The following TFEC variants were observed in gnomAD, a reference collection of about 807,000 sequenced individuals.
The protein encoded by TFEC is class E basic helix-loop-helix protein 34.
A neutral mutation model predicts 41.6 loss-of-function variants in TFEC; 31 were observed. The observed-to-expected ratio is 0.74, with a 90% confidence interval of 0.56 to 1.01. The LOEUF is 1.01. Among genes scored for constraint, TFEC ranks in the 50% least tolerant of loss-of-function variants. The pLI is 0.00. For missense variants in TFEC, 402 were observed against 404.1 expected (o/e 0.99, Z 0.04); for synonymous variants, 143 against 140.6 (o/e 1.02, Z -0.12).
intron 2 of TFEC, among the ~76,000 whole-genome samples, chr7:115,977,265 A>G (rs1281813687): frequency 1.3e-5 from 2 of 152,140 alleles, no homozygotes; most frequent in Non-Finnish European, 2.9e-5. Flanking sequence ...ATAATAAATT[A>G]AGATCATAAG....
At chr7:116,034,956 A>G (rs1050680700), upstream of TFEC, among the ~76,000 whole-genome samples, 9 of 150,714 alleles carry the variant, frequency 6.0e-5, no homozygotes, top group African/African-American at 2.2e-4. Context: ...ATCTTCCCCC[A>G]CTGAAACTGT....
intron 3 of TFEC, among the ~76,000 whole-genome samples, chr7:116,098,616 T>C (rs958672729): frequency 5.3e-5 from 8 of 152,136 alleles, no homozygotes; most frequent in Non-Finnish European, 1.2e-4. Flanking sequence ...TCCACAATTT[T>C]AGTTAGCGAT....
chr7:115,963,065 T>A (rs948174610), intron 3 of TFEC, among the ~76,000 whole-genome samples: 7 of 151,182 alleles, frequency 4.6e-5, no homozygotes, highest in African/African-American at 1.7e-4. Flanking sequence ...TGTGATCTCA[T>A]TGTTCAACTC....
intron 2 of TFEC, among the ~76,000 whole-genome samples, chr7:115,982,490 T>C (rs985957265): frequency 1.3e-5 from 2 of 152,244 alleles, no homozygotes; most frequent in African/African-American, 4.8e-5. Flanking sequence ...ATAGTAAGTC[T>C]GTGAATGATG....
At chr7:116,139,105 C>A (rs1798489871) in intron 1 of TFEC, among the ~76,000 whole-genome samples, 1 of 152,162 alleles carries the variant, frequency 6.6e-6, no homozygotes, top group East Asian at 1.9e-4. Context: ...ATCTACTCTT[C>A]TAAAGCAATT....
chr7:116,100,589 G>C (rs201644047), intron 3 of TFEC, among the ~76,000 whole-genome samples: 1 of 107,618 alleles, frequency 9.3e-6, no homozygotes, highest in African/African-American at 3.1e-5. Flanking sequence ...GAGACAGGGG[G>C]TTACTTGGTT....
chr7:115,960,703 G>C (rs1792495823), intron 3 of TFEC, among the ~76,000 whole-genome samples: 2 of 151,440 alleles, frequency 1.3e-5, no homozygotes, highest in African/African-American at 4.8e-5. Flanking sequence ...GATCTAAACA[G>C]GTCAGACTCC....
At chr7:115,994,989 C>T (rs906135266) in intron 1 of TFEC, among the ~76,000 whole-genome samples, 13 of 152,140 alleles carry the variant, frequency 8.5e-5, no homozygotes, top group South Asian at 8.3e-4. Context: ...AAATGTGGCA[C>T]ATATCCACCA....
intron 3 of TFEC, among the ~76,000 whole-genome samples, chr7:116,096,232 T>C (rs1032660713): frequency 2.6e-5 from 4 of 152,074 alleles, no homozygotes; most frequent in African/African-American, 7.2e-5. Context: ...TATAACTACT[T>C]GTCTTGCCTT....
At chr7:116,071,261 A>G (rs866358444) in intron 3 of TFEC, among the ~76,000 whole-genome samples, 51 of 151,080 alleles carry the variant, frequency 3.4e-4, no homozygotes, top group African/African-American at 1.2e-3. Flanking sequence ...AGCTTACCCC[A>G]ACAGCTATGA....
chr7:116,040,020 G>A (rs1353580298), intron 3 of TFEC, among the ~76,000 whole-genome samples: 1 of 152,094 alleles, frequency 6.6e-6, no homozygotes, highest in Admixed American at 6.6e-5. Context: ...AAATCTAGAT[G>A]TGACCTGGAC....
chr7:116,060,698 G>C (rs979453020), intron 3 of TFEC, among the ~76,000 whole-genome samples: 1 of 152,024 alleles, frequency 6.6e-6, no homozygotes, highest in African/African-American at 2.4e-5. Flanking sequence ...AACAGACCCT[G>C]GGGTCTACAT....
chr7:115,940,964 T>A (rs780351297), intron 7 of TFEC, 33 bp from the exon 8 acceptor site: 12 of 1,529,444 alleles, frequency 7.8e-6, no homozygotes, highest in Non-Finnish European at 9.7e-6. Context: ...TTAAATAATG[T>A]CTTTGAAATT....
chr7:116,112,025 T>A, exon 2 of TFEC: 1 of 986,122 alleles, frequency 1.0e-6, no homozygotes, highest in Non-Finnish European at 1.2e-6. Flanking sequence ...GGGAACTAAA[T>A]CATTGATAGG....
At chr7:116,082,156 G>T (rs1797105862) in intron 3 of TFEC, among the ~76,000 whole-genome samples, 1 of 151,974 alleles carries the variant, frequency 6.6e-6, no homozygotes, top group African/African-American at 2.4e-5. Context: ...ATTAGGAAAT[G>T]CTTATTCGAT....
chr7:116,006,307 C>T (rs1188560785), intron 1 of TFEC, among the ~76,000 whole-genome samples: 1 of 152,210 alleles, frequency 6.6e-6, no homozygotes, highest in Non-Finnish European at 1.5e-5. Context: ...CCCATGAAAG[C>T]AGCCAGGAGA....
chr7:116,152,844 G>C (rs11770268), intron 1 of TFEC, among the ~76,000 whole-genome samples: 1 of 152,048 alleles, frequency 6.6e-6, no homozygotes, highest in East Asian at 1.9e-4. Flanking sequence ...CGATATCCAA[G>C]CAAAAATTAT....
At chr7:116,104,492 C>CA (rs1240071915) in intron 3 of TFEC, among the ~76,000 whole-genome samples, 2 of 152,144 alleles carry the variant, frequency 1.3e-5, no homozygotes, top group African/African-American at 2.4e-5. Context: ...TACTCATTAT[C>CA]AGAGAGTGCT....
intron 3 of TFEC, among the ~76,000 whole-genome samples, chr7:116,039,284 T>C (rs1795978138): frequency 6.6e-6 from 1 of 152,048 alleles, no homozygotes; most frequent in Non-Finnish European, 1.5e-5. Flanking sequence ...CTTAACCATT[T>C]TACTATAAGT....
Sources: allele counts gnomAD v4.1 joint callset (sites outside exome capture counted in the v4.1 genomes callset), GRCh38; gene constraint gnomAD v4.1.1; transcripts MANE v1.5; gene names NCBI Gene and HGNC (gene_info 2026-07-23, HGNC 2026-07-21).